ATP2C2: variants seen among roughly 807,000 people sequenced by gnomAD.
ATP2C2 encodes calcium-transporting ATPase type 2C member 2.
A neutral mutation model predicts 110.8 loss-of-function variants in ATP2C2; 171 were observed. The ratio of observed to expected loss-of-function variants is 1.54; its 90% CI spans 1.36 to 1.75. ATP2C2 has a LOEUF of 1.75. ATP2C2 is among the 40% of genes most tolerant of loss of function. The pLI, the probability that ATP2C2 is intolerant of heterozygous loss-of-function variation, is 0.00. For missense variants in ATP2C2, 1,963 were observed against 1,235.0 expected, an observed-to-expected ratio of 1.59 and a Z score of -8.84; for synonymous variants, 804 against 508.4, an observed-to-expected ratio of 1.58 and a Z score of -7.82.
In ATP2C2 at chr16:84,439,259, C is replaced by T. The variant is rs375931622; in HGVS notation, c.1080C>T (p.Ile360=). The T allele has an allele frequency of 5.0e-6, 8 of 1,612,412 alleles. No homozygotes were observed. The highest frequency in any genetic ancestry group is 4.5e-5 in the East Asian group (2 of 44,884). Residue 360 remains isoleucine, a synonymous_variant, in exon 12 of 27, where the codon ATC becomes ATT. Transcript: ENST00000262429. ...GVLRMAKKRV[I]VKKLPIVETL... ...TGCGGATGGCCAAGAAGCGGGTCAT[C>T]GTGAAGAAGTTACCCATCGTGGAGA... is the stretch of plus-strand genomic sequence containing the variant.
chr16:84,379,407 C>T (rs1389795191), intron 1 of ATP2C2, among the ~76,000 whole-genome samples: 1 of 152,212 alleles, frequency 6.6e-6, no homozygotes, highest in African/African-American at 2.4e-5. Flanking sequence ...CTCAAGAGAT[C>T]TGTCCACCGC....
At position 84,442,586 on chromosome 16, in the gene ATP2C2, C is replaced by T. The variant is rs1909370389; in HGVS notation, c.1388C>T (p.Ala463Val). The change falls in exon 15 of 27, where the codon GCC (alanine) becomes GTC (valine). Residue 463 changes from alanine to valine, a missense_variant. By Grantham distance (64) the Ala-to-Val change is moderately conservative (BLOSUM62 0). Transcript: ENST00000262429. ...MGQPTEGALM[A>V]LAMKMDLSDI... ...CAGCCCACCGAGGGTGCATTGATGG[C>T]CCTGGCGATGAAGGTAGGAGGTCCT... The T allele has an allele frequency of 3.1e-6, 5 of 1,613,830 alleles. No individual in the cohort carries two copies. Among genetic ancestry groups the T allele is most frequent in the Admixed American group, 1.7e-5 (1 of 59,982 alleles).
chr16:84,427,482 C>T (rs1427996018), intron 11 of ATP2C2, among the ~76,000 whole-genome samples: 1 of 152,098 alleles, frequency 6.6e-6, no homozygotes, highest in Non-Finnish European at 1.5e-5. Flanking sequence ...CTTTGGGAGG[C>T]CAAGGCAGAC....
chr16:84,389,803 C>G (rs945637547), intron 1 of ATP2C2, among the ~76,000 whole-genome samples: 2 of 151,764 alleles, frequency 1.3e-5, no homozygotes, highest in Non-Finnish European at 2.9e-5. Context: ...TCACTTCAAC[C>G]TCTGCCTCCT....
chr16:84,448,746 A>G, intron 17 of ATP2C2, 57 bp downstream of exon 17: 9 of 1,551,196 alleles, frequency 5.8e-6, no homozygotes, highest in Non-Finnish European at 7.9e-6. Flanking sequence ...ATTGACTTTT[A>G]AGTGCATTCA....
chr16:84,411,654 C>T (rs962196952), intron 6 of ATP2C2, among the ~76,000 whole-genome samples: 1 of 152,200 alleles, frequency 6.6e-6, no homozygotes, highest in African/African-American at 2.4e-5. Flanking sequence ...GTTGGCTAGG[C>T]TCGTCTCGAC....
In ATP2C2 at chr16:84,368,713, T is replaced by C. The variant is rs200267569; in HGVS notation, c.98T>C (p.Leu33Ser). The C allele has an allele frequency of 1.2e-3, 1,774 of 1,536,682 alleles. 1 individual carries two copies. Among genetic ancestry groups the C allele is most frequent in the Non-Finnish European group, 1.4e-3 (1,602 of 1,144,004 alleles). The change falls in exon 1 of 27, where the codon TTG (leucine) becomes TCG (serine). Residue 33 changes from leucine (L) to serine (S), a missense_variant and splice_region_variant. Coordinates refer to ENST00000262429, the MANE Select transcript of ATP2C2 (RefSeq NM_014861.4). ...QALEKDEEEA[L>S]IDEQSELKAI... is the part of the protein sequence containing the mutation. The stretch of plus-strand genomic sequence containing the variant: ...CTGGAGAAGGACGAAGAGGAAGCCT[T>C]GGTGAGTCCCCGCGACTCCGCGCCG...
chr16:84,463,450 T>C (rs910840618), intron 26 of ATP2C2, among the ~76,000 whole-genome samples, 164 bp from the exon 27 acceptor site: 12 of 152,060 alleles, frequency 7.9e-5, no homozygotes, highest in Non-Finnish European at 8.8e-5. Flanking sequence ...AACTGCAGCA[T>C]TTTGGATTCT....
At chr16:84,399,201 A>T (rs1458987058) in intron 2 of ATP2C2, among the ~76,000 whole-genome samples, 3 of 152,242 alleles carry the variant, frequency 2.0e-5, no homozygotes, top group Admixed American at 2.0e-4. Flanking sequence ...TGGGAAAGCA[A>T]ATAAAAAGCC....
chr16:84,442,511 C>T lies in ATP2C2; in HGVS notation c.1313C>T (p.Ala438Val), dbSNP rs775083248. Residue 438 changes from alanine to valine, a missense_variant and splice_region_variant, in exon 15 of 27, where the codon GCG becomes GTG. Transcript: ENST00000262429. ...GATGTCCGGACAATCCCCTTTTAGGCGGGCTGTGTTGCCAACAATGCGGTC... is the reference window on the plus strand; with the variant it reads ...GATGTCCGGACAATCCCCTTTTAGGTGGGCTGTGTTGCCAACAATGCGGTC... Reference protein sequence around the residue: ...SNVSVGKLVEAGCVANNAVIR... With the variant: ...SNVSVGKLVEVGCVANNAVIR... 1.1e-4 allele frequency: 181 copies of T among 1,613,802 alleles called. No homozygotes were observed. Among genetic ancestry groups the T allele is most frequent in the Non-Finnish European group, 1.5e-4 (175 of 1,179,856 alleles).
intron 14 of ATP2C2, among the ~76,000 whole-genome samples, chr16:84,441,239 C>T (rs1909227634): frequency 1.3e-5 from 2 of 152,174 alleles, no homozygotes; most frequent in African/African-American, 2.4e-5. Context: ...TCGAGACCAG[C>T]CTGAGCAACG....
chr16:84,424,575 G>GTTTTTTTTTTTT (rs1428381141), intron 10 of ATP2C2, among the ~76,000 whole-genome samples: 1 of 59,322 alleles, frequency 1.7e-5, no homozygotes, highest in African/African-American at 9.2e-5. Context: ...ACCGCACTGG[G>GTTTTTTTTTTTT]CTTTTTTTTT....
chr16:84,455,018 A>G (rs1396775330), intron 21 of ATP2C2, 34 bp downstream of exon 21: 1 of 1,606,652 alleles, frequency 6.2e-7, no homozygotes, highest in Non-Finnish European at 8.5e-7. Context: ...TTCAGTTGCA[A>G]AAATGCCTGG....
Position 84,415,695 on chromosome 16 carries a change from GCT to G in ATP2C2, c.624+106_624+107del, listed in dbSNP as rs962662256. The G allele has an allele frequency of 2.3e-4, 208 of 893,976 alleles. 1 individual carries two copies. The African/African-American group carries it at 3.2e-3, about 14-fold the overall frequency. 55.4% of individuals were successfully genotyped at this position (893,976 alleles called of 1,614,324 possible). ...TGTATAGTCTCTCTCATACACACAT[GCT>G]CAAACATACATGCACATGCATACAC... On this transcript the variant is annotated intron_variant, in intron 7 of 26. Transcript: ENST00000262429.
chr16:84,408,422 C>A lies in ATP2C2; in HGVS notation c.345C>A (p.Ile115=). The stretch of plus-strand genomic sequence containing the variant: ...CTCTTCAGTTTAAGAACCCCCTGAT[C>A]CTGCTGCTGCTGGGCTCTGCCCTGG... The part of the protein sequence containing the change: ...KYLDQFKNPL[I]LLLLGSALVS... Residue 115 remains isoleucine (I), a synonymous_variant, in exon 4 of 27, where the codon ATC becomes ATA. Coordinates refer to ENST00000262429, the MANE Select transcript of ATP2C2 (RefSeq NM_014861.4). 1 of 1,613,872 alleles carries A rather than the reference C, an allele frequency of 6.2e-7. No homozygotes were observed. Among genetic ancestry groups the A allele is most frequent in the Non-Finnish European group, 8.5e-7 (1 of 1,179,970 alleles).
intron 1 of ATP2C2, among the ~76,000 whole-genome samples, chr16:84,388,564 GAGA>G (rs1331954442): frequency 1.3e-5 from 2 of 152,184 alleles, no homozygotes; most frequent in African/African-American, 4.8e-5. Flanking sequence ...TGCCTTGGGA[GAGA>G]AGGATAGAGA....
intron 13 of ATP2C2, 65 bp downstream of exon 13, chr16:84,439,589 T>A (rs247903): frequency 0.85 from 1,213,712 of 1,435,270 alleles, 514,014 homozygotes; most frequent in East Asian, 0.94. Flanking sequence ...CTTTCTAAAC[T>A]AAGCACACAA....
In ATP2C2 at chr16:84,460,519, C is replaced by T. The variant is rs750395363; in HGVS notation, c.2334-135C>T. ...GGTGCCGAGGAGGGCAGGTGCGATGCCTGGGGGCGTTCAGCAAATGCCTGG... is the reference window on the plus strand; with the variant it reads ...GGTGCCGAGGAGGGCAGGTGCGATGTCTGGGGGCGTTCAGCAAATGCCTGG... On this transcript the variant is annotated intron_variant, in intron 23 of 26. Transcript: ENST00000262429. 7.1e-6 allele frequency: 9 copies of T among 1,258,852 alleles called. No homozygotes were observed. In the Admixed American group the frequency reaches 1.5e-4, roughly 21 times the overall value. 78.0% of individuals were successfully genotyped at this position (1,258,852 alleles called of 1,614,324 possible).
intron 17 of ATP2C2, among the ~76,000 whole-genome samples, chr16:84,449,393 C>T (rs1910051079): frequency 6.6e-6 from 1 of 152,152 alleles, no homozygotes; most frequent in African/African-American, 2.4e-5. Flanking sequence ...GTGAGGGGAG[C>T]GTTCCCCAAA....
Sources: gnomAD v4.1 joint callset for allele counts (sites outside exome capture counted in the v4.1 genomes callset) on GRCh38, gnomAD v4.1.1 for gene constraint, MANE v1.5 for transcripts, NCBI Gene and HGNC (gene_info 2026-07-23, HGNC 2026-07-21) for gene names.